Variants in TRIQK observed in about 807,000 individuals in gnomAD.
The protein encoded by TRIQK is triple QxxK/R motif-containing protein.
Under a neutral mutation model 10.8 loss-of-function variants are expected in TRIQK, and 10 were observed. The ratio of observed to expected loss-of-function variants is 0.92; its 90% CI spans 0.57 to 1.57. The LOEUF (loss-of-function observed/expected upper bound fraction) is 1.57. Ranked by LOEUF, TRIQK falls within the 40% of genes most tolerant of loss-of-function variation. The probability of loss-of-function intolerance (pLI) is 0.00; values close to 1 mark genes in which losing one functional copy is unlikely to be tolerated. For synonymous variants in TRIQK, 33 were observed against 33.7 expected, an observed-to-expected ratio of 0.98 and a Z score of 0.07; for missense variants, 107 against 97.7, an observed-to-expected ratio of 1.09 and a Z score of -0.40.
chr8:92,988,758 A>G (rs1254138736), intron 1 of TRIQK, among the ~76,000 whole-genome samples: 2 of 152,172 alleles, frequency 1.3e-5, no homozygotes, highest in African/African-American at 2.4e-5. Flanking sequence ...TCTCTTAACA[A>G]TTAGCAAATT....
intron 1 of TRIQK, among the ~76,000 whole-genome samples, chr8:92,991,372 G>C (rs141678154): frequency 0.1 from 15,344 of 152,212 alleles, 1,808 homozygotes; most frequent in African/African-American, 0.28. Flanking sequence ...GAAGAGAGCA[G>C]TGGATCTCCC....
At chr8:92,917,613 A>T (rs1809935250) in intron 2 of TRIQK, among the ~76,000 whole-genome samples, 1 of 151,958 alleles carries the variant, frequency 6.6e-6, no homozygotes. Context: ...GATATACAAT[A>T]GTTGTACCTA....
chr8:92,979,981 G>A (rs1812970236), intron 1 of TRIQK, among the ~76,000 whole-genome samples: 1 of 151,916 alleles, frequency 6.6e-6, no homozygotes, highest in South Asian at 2.1e-4. Flanking sequence ...TGGACTTCTA[G>A]CATAATGTTG....
chr8:92,959,652 A>G (rs1470312168), intron 1 of TRIQK, among the ~76,000 whole-genome samples: 1 of 152,050 alleles, frequency 6.6e-6, no homozygotes, highest in Non-Finnish European at 1.5e-5. Flanking sequence ...CCGTGGGTGA[A>G]AAATATCTTA....
intron 3 of TRIQK, among the ~76,000 whole-genome samples, chr8:92,916,683 ATT>A (rs950886948): frequency 3.9e-5 from 6 of 151,986 alleles, no homozygotes; most frequent in South Asian, 2.1e-4. Context: ...AATAATATTT[ATT>A]TTTTGTTTTA....
chr8:93,010,348 T>G (rs1435787293), intron 1 of TRIQK, among the ~76,000 whole-genome samples: 1 of 152,152 alleles, frequency 6.6e-6, no homozygotes, highest in African/African-American at 2.4e-5. Flanking sequence ...AATGTATCTA[T>G]GTATTGAAAC....
chr8:92,933,118 A>G (rs1161110705), intron 2 of TRIQK, among the ~76,000 whole-genome samples: 1 of 152,094 alleles, frequency 6.6e-6, no homozygotes, highest in Non-Finnish European at 1.5e-5. Flanking sequence ...GCTAGGAAAT[A>G]TATGTATTGG....
In TRIQK at chr8:92,919,447, G is replaced by A. The variant is rs568606475; in HGVS notation, c.-21-2437C>T. Among the ~76,000 whole-genome samples, 8 of 151,850 alleles carry A rather than the reference G, an allele frequency of 5.3e-5. No homozygotes were observed. In the East Asian group the frequency reaches 1.3e-3, roughly 26 times the overall value. ...GCTGTTGTGATACATCATGTTTATTGATATGTGTATGTTGAACCATCCCTG... is the reference window on the plus strand; with the variant it reads ...GCTGTTGTGATACATCATGTTTATTAATATGTGTATGTTGAACCATCCCTG... On this transcript the variant is annotated intron_variant, in intron 2 of 4. Coordinates refer to ENST00000521988, the MANE Select transcript of TRIQK (RefSeq NM_001171797.2).
intron 1 of TRIQK, among the ~76,000 whole-genome samples, chr8:92,984,988 G>T (rs1447866117): frequency 6.6e-6 from 1 of 152,080 alleles, no homozygotes; most frequent in East Asian, 1.9e-4. Flanking sequence ...CCTTATTCTT[G>T]CAATTTTAAT....
intron 1 of TRIQK, among the ~76,000 whole-genome samples, chr8:92,961,234 A>G (rs893862316): frequency 8.5e-5 from 13 of 152,158 alleles, no homozygotes; most frequent in African/African-American, 3.1e-4. Context: ...TGTATAGATA[A>G]TTTCTACATA....
At chr8:92,952,038 A>G (rs1157543611) in intron 2 of TRIQK, among the ~76,000 whole-genome samples, 1 of 151,996 alleles carries the variant, frequency 6.6e-6, no homozygotes, top group Non-Finnish European at 1.5e-5. Flanking sequence ...CCAGTACATC[A>G]TATCTGGCTA....
intron 1 of TRIQK, among the ~76,000 whole-genome samples, chr8:93,012,435 T>C (rs1301304805): frequency 6.6e-6 from 1 of 152,154 alleles, no homozygotes; most frequent in Admixed American, 6.6e-5. Flanking sequence ...CATATGTAGA[T>C]CCAGCGTTTT....
intron 2 of TRIQK, among the ~76,000 whole-genome samples, chr8:92,918,347 T>C (rs962225018): frequency 6.6e-5 from 10 of 151,972 alleles, no homozygotes; most frequent in African/African-American, 2.2e-4. Context: ...CCACAGTGTA[T>C]GACCATTTCC....
intron 3 of TRIQK, among the ~76,000 whole-genome samples, chr8:92,916,523 T>C (rs1307676401): frequency 6.6e-6 from 1 of 152,122 alleles, no homozygotes; most frequent in Non-Finnish European, 1.5e-5. Context: ...TTCTACTTTA[T>C]TTAGCATATT....
intron 2 of TRIQK, among the ~76,000 whole-genome samples, chr8:92,934,141 C>T (rs767121703): frequency 1.3e-4 from 19 of 151,854 alleles, no homozygotes; most frequent in Non-Finnish European, 2.2e-4. Flanking sequence ...TTCCAAAAGA[C>T]GTTCAATGAT....
chr8:92,904,662 G>T (rs999865433), intron 3 of TRIQK, among the ~76,000 whole-genome samples: 1 of 152,218 alleles, frequency 6.6e-6, no homozygotes, highest in Non-Finnish European at 1.5e-5. Context: ...TATACTTACA[G>T]TCCTACTGCA....
At position 93,011,205 on chromosome 8, in the gene TRIQK, C is replaced by CACACATAT. The variant is rs769949767; in HGVS notation, c.-181+6403_-181+6404insATATGTGT. Among the ~76,000 whole-genome samples the CACACATAT allele has an allele frequency of 4.6e-3, 563 of 121,550 alleles. 5 individuals are homozygous for CACACATAT. Among genetic ancestry groups the CACACATAT allele is most frequent in the African/African-American group, 0.01 (361 of 34,748 alleles). 79.7% of individuals were successfully genotyped at this position (121,550 alleles called of 152,430 possible). ...ACACACACACACACACACACACACA[C>CACACATAT]ATATATATATATATATACAGGAGGT... On this transcript the variant is annotated intron_variant, in intron 1 of 4. Coordinates refer to the TRIQK transcript ENST00000520686.
intron 4 of TRIQK, among the ~76,000 whole-genome samples, chr8:92,890,421 A>C (rs1194586504): frequency 6.6e-6 from 1 of 151,814 alleles, no homozygotes; most frequent in Admixed American, 6.6e-5. Flanking sequence ...GATACTTTAA[A>C]TATTAAATAA....
intron 1 of TRIQK, among the ~76,000 whole-genome samples, chr8:93,013,642 TAAG>T (rs5893233): frequency 0.14 from 21,444 of 152,162 alleles, 1,521 homozygotes; most frequent in East Asian, 0.19. Context: ...ATGATACAAC[TAAG>T]AATATAAATA....
Sources: allele counts gnomAD v4.1 joint callset (sites outside exome capture counted in the v4.1 genomes callset), GRCh38; gene constraint gnomAD v4.1.1; transcripts MANE v1.5; gene names NCBI Gene and HGNC (gene_info 2026-07-23, HGNC 2026-07-21).